Variants in PKHD1 observed in about 807,000 individuals in gnomAD.
PKHD1 encodes the protein fibrocystin.
PKHD1 carries 291 observed loss-of-function variants against 412.0 expected under a neutral mutation model. The ratio of observed to expected loss-of-function variants is 0.71; its 90% confidence interval spans 0.64 to 0.78. The LOEUF (loss-of-function observed/expected upper bound fraction) is 0.78. PKHD1 is among the 30% of genes least tolerant of loss of function. The probability of loss-of-function intolerance (pLI) is 0.00; values close to 1 mark genes in which losing one functional copy is unlikely to be tolerated. For missense variants in PKHD1, 4,825 were observed against 4,950.7 expected, an observed-to-expected ratio of 0.97 and a Z score of 0.76; for synonymous variants, 1,777 against 1,821.5, an observed-to-expected ratio of 0.98 and a Z score of 0.62.
intron 52 of PKHD1, among the ~76,000 whole-genome samples, chr6:51,791,742 T>C (rs989662766): frequency 6.6e-6 from 1 of 152,194 alleles, no homozygotes; most frequent in African/African-American, 2.4e-5. Flanking sequence ...AGACATGACA[T>C]TGGCCTCTGA....
chr6:51,928,222 T>C (rs1184440944), intron 37 of PKHD1, among the ~76,000 whole-genome samples: 1 of 152,158 alleles, frequency 6.6e-6, no homozygotes, highest in Non-Finnish European at 1.5e-5. Context: ...AATAGGAGAC[T>C]GAGTTTTTAA....
intron 49 of PKHD1, among the ~76,000 whole-genome samples, chr6:51,852,579 G>C (rs9370069): frequency 1.3e-5 from 2 of 151,852 alleles, no homozygotes; most frequent in Admixed American, 1.3e-4. Flanking sequence ...ATCAATCTGG[G>C]TGCTCCTGTA....
chr6:51,819,154 A>G (rs995652929), intron 52 of PKHD1, among the ~76,000 whole-genome samples: 3 of 152,204 alleles, frequency 2.0e-5, no homozygotes, highest in Non-Finnish European at 4.4e-5. Context: ...CTGAATCCTC[A>G]GCATGATAAG....
At chr6:51,797,626 G>A (rs1311889613) in intron 52 of PKHD1, among the ~76,000 whole-genome samples, 6 of 152,004 alleles carry the variant, frequency 3.9e-5, no homozygotes, top group Non-Finnish European at 7.4e-5. Context: ...TGCAACCCCT[G>A]CTTTTTTTCT....
rs182956803 is a variant in PKHD1 at position 52,033,546 on chromosome 6, G to A, written c.3229-381C>T. Reference sequence around the variant, plus strand: ...TCCATCAAGTATGAGAGTACTTTCAGACATGTGAGAACTCAGAAAATTTCT... The same window carrying A: ...TCCATCAAGTATGAGAGTACTTTCAAACATGTGAGAACTCAGAAAATTTCT... On this transcript the variant is annotated intron_variant, in intron 28 of 66. Coordinates refer to ENST00000371117, the MANE Select transcript of PKHD1 (RefSeq NM_138694.4). Among the ~76,000 whole-genome samples, 31 of 151,788 alleles carry A rather than the reference G, an allele frequency of 2.0e-4. 1 individual carries two copies. Among genetic ancestry groups the A allele is most frequent in the Admixed American group, 2.0e-3 (30 of 15,268 alleles).
chr6:51,627,000 C>T lies in PKHD1; in HGVS notation c.11782G>A (p.Glu3928Lys). The T allele has an allele frequency of 6.2e-7, 1 of 1,613,526 alleles. No individual in the cohort carries two copies. The highest frequency in any genetic ancestry group is 1.3e-5 in the African/African-American group (1 of 74,984). Reference protein sequence around the residue: ...GPKKEDTVVGEDMRMKVMLGK... With the variant: ...GPKKEDTVVGKDMRMKVMLGK... The stretch of plus-strand genomic sequence containing the variant: ...CATCTCCACCCTCCAAGCTTACCTT[C>T]TCCCACCACAGTGTCTTCTTTTTTG... The change falls in exon 66 of 67, where the codon GAA (glutamate) becomes AAA (lysine). Residue 3928 changes from glutamate (E) to lysine (K), a missense_variant. Coordinates refer to ENST00000371117, the MANE Select transcript of PKHD1 (RefSeq NM_138694.4).
intron 60 of PKHD1, among the ~76,000 whole-genome samples, chr6:51,702,300 G>A (rs541452640): frequency 3.2e-4 from 48 of 147,874 alleles, no homozygotes; most frequent in African/African-American, 1.2e-3. Context: ...TGGAATTGGA[G>A]ACTATTATTT....
intron 52 of PKHD1, among the ~76,000 whole-genome samples, chr6:51,804,225 T>C (rs1159420900): frequency 6.6e-6 from 1 of 151,058 alleles, no homozygotes; most frequent in Non-Finnish European, 1.5e-5. Context: ...ATCCCACTGA[T>C]GCCCAACCAC....
intron 60 of PKHD1, among the ~76,000 whole-genome samples, chr6:51,707,327 C>A (rs1035226882): frequency 6.6e-6 from 1 of 152,116 alleles, no homozygotes; most frequent in African/African-American, 2.4e-5. Flanking sequence ...TACAGGGTGA[C>A]TTTTTGCAAC....
intron 27 of PKHD1, among the ~76,000 whole-genome samples, chr6:52,041,390 G>A (rs1244396126): frequency 6.6e-6 from 1 of 152,152 alleles, no homozygotes; most frequent in African/African-American, 2.4e-5. Flanking sequence ...AAGCTCATGG[G>A]TATTACAGAT....
intron 37 of PKHD1, among the ~76,000 whole-genome samples, chr6:51,929,922 T>C: frequency 6.6e-6 from 1 of 152,150 alleles, no homozygotes; most frequent in East Asian, 1.9e-4. Flanking sequence ...GTTTTTCTCC[T>C]AAGAAACTGT....
At chr6:51,895,754 A>AC (rs1296026240) in intron 43 of PKHD1, among the ~76,000 whole-genome samples, 17 of 152,170 alleles carry the variant, frequency 1.1e-4, no homozygotes, top group Middle Eastern at 3.4e-3. Context: ...CATCTGAGGT[A>AC]CCGGGTTCAT....
intron 1 of PKHD1, among the ~76,000 whole-genome samples, chr6:52,085,829 G>A (rs1812692972): frequency 6.6e-6 from 1 of 151,906 alleles, no homozygotes; most frequent in Non-Finnish European, 1.5e-5. Context: ...TACCTAATCT[G>A]AGATGAACAG....
At position 51,747,926 on chromosome 6, in the gene PKHD1, AT is replaced by A. The variant is rs398124502; in HGVS notation, c.9689del (p.Asp3230ValfsTer34). Reference protein sequence around the residue: ...KPHSANLTSTDRAPSNPRGGR... With the variant: ...KPHSANLTSTXRAPSNPRGGR... ...CTCCTCTTGGATTGGAGGGAGCTCTATCTGTTGATGTCAAGTTGGCTGAGTG... is the reference window on the plus strand; with the variant it reads ...CTCCTCTTGGATTGGAGGGAGCTCTACTGTTGATGTCAAGTTGGCTGAGTG... On this transcript the variant is annotated frameshift_variant, in exon 58 of 67. Coordinates refer to ENST00000371117, the MANE Select transcript of PKHD1 (RefSeq NM_138694.4). LOFTEE classifies it high-confidence loss of function. The A allele has an allele frequency of 4.9e-5, 79 of 1,614,030 alleles. No individual in the cohort carries two copies. The highest frequency in any genetic ancestry group is 4.0e-4 in the Admixed American group (24 of 59,984).
rs371617216 is a variant in PKHD1 at position 51,866,603 on chromosome 6, T to A, written c.7733+1260A>T. On this transcript the variant is annotated intron_variant, in intron 48 of 66. Coordinates refer to ENST00000371117, the MANE Select transcript of PKHD1 (RefSeq NM_138694.4). ...TACCAGTAGATCTCAAAGTAAAGCA[T>A]GATAAAGGACTATCAGGAACACGCA... Among the ~76,000 whole-genome samples the A allele has an allele frequency of 1.2e-4, 19 of 152,252 alleles. 1 individual carries two copies. In the East Asian group the frequency reaches 3.5e-3, roughly 28 times the overall value.
At chr6:51,751,320 C>T (rs1367507182) in intron 57 of PKHD1, among the ~76,000 whole-genome samples, 2 of 152,074 alleles carry the variant, frequency 1.3e-5, no homozygotes, top group Non-Finnish European at 2.9e-5. Context: ...CTTATTCAGG[C>T]CCTGGACTAT....
intron 4 of PKHD1, among the ~76,000 whole-genome samples, chr6:52,080,646 A>G (rs1811898505): frequency 6.6e-6 from 1 of 152,216 alleles, no homozygotes; most frequent in African/African-American, 2.4e-5. Flanking sequence ...TTAAATATTT[A>G]GATCTGAATT....
chr6:51,708,911 C>G (rs1780324075), intron 60 of PKHD1, among the ~76,000 whole-genome samples: 1 of 152,066 alleles, frequency 6.6e-6, no homozygotes, highest in African/African-American at 2.4e-5. Context: ...AGAAAAAGAA[C>G]AGGAGGAGAA....
At chr6:51,918,192 TTC>T (rs1301552390) in intron 37 of PKHD1, among the ~76,000 whole-genome samples, 1 of 150,988 alleles carries the variant, frequency 6.6e-6, no homozygotes, top group Non-Finnish European at 1.5e-5. Flanking sequence ...CATATATATA[TTC>T]ATTATTTATT....
Sources: allele counts gnomAD v4.1 joint callset (sites outside exome capture counted in the v4.1 genomes callset), GRCh38; gene constraint gnomAD v4.1.1; transcripts MANE v1.5; gene names NCBI Gene and HGNC (gene_info 2026-07-23, HGNC 2026-07-21).